The following MTMR2 variants were observed in gnomAD, a reference collection of about 807,000 sequenced individuals.
MTMR2 encodes myotubularin related protein 2, also known as phosphatidylinositol-3,5-bisphosphate 3-phosphatase MTMR2.
In MTMR2, 55 loss-of-function variants were observed where a neutral mutation model predicts 86.9. The observed-to-expected ratio is 0.63, with a 90% CI of 0.51 to 0.79. The LOEUF (loss-of-function observed/expected upper bound fraction) is 0.79, where lower values mean the gene tolerates loss of function less well. Ranked by LOEUF, MTMR2 falls within the 30% of genes least tolerant of loss-of-function variation. The pLI is 0.00. For missense variants in MTMR2, 659 were observed against 772.3 expected (o/e 0.85, Z 1.74); for synonymous variants, 241 against 266.8 (o/e 0.90, Z 0.94).
chr11:95,922,358 C>T (rs1349057485), intron 1 of MTMR2, among the ~76,000 whole-genome samples: 1 of 152,180 alleles, frequency 6.6e-6, no homozygotes, highest in Non-Finnish European at 1.5e-5. Flanking sequence ...GCATAGTTGT[C>T]ATTTGTAACT....
At chr11:95,920,214 A>G (rs1306814687) in intron 1 of MTMR2, among the ~76,000 whole-genome samples, 1 of 152,244 alleles carries the variant, frequency 6.6e-6, no homozygotes, top group Non-Finnish European at 1.5e-5. Flanking sequence ...ATAGATATAC[A>G]TGAAGAATGG....
intron 9 of MTMR2, among the ~76,000 whole-genome samples, chr11:95,848,870 G>A (rs1335273899): frequency 3.3e-5 from 5 of 152,252 alleles, no homozygotes; most frequent in Non-Finnish European, 7.4e-5. Context: ...GATTACTTCT[G>A]AAGAGTGGGA....
Position 95,849,846 on chromosome 11 carries a change from T to C in MTMR2, c.821A>G (p.His274Arg). 1 of 1,614,090 alleles carries C rather than the reference T, an allele frequency of 6.2e-7. No individual in the cohort carries two copies. Among genetic ancestry groups the C allele is most frequent in the African/African-American group, 1.3e-5 (1 of 75,052 alleles). The change falls in exon 9 of 15, where the codon CAT (histidine) becomes CGT (arginine). Residue 274 changes from histidine (H) to arginine (R), a missense_variant. Around this residue, in one of 3 missense-constraint regions of MTMR2, gnomAD observed 387 missense variants for 526.3 expected, o/e 0.74. Coordinates refer to ENST00000346299, the MANE Select transcript of MTMR2 (RefSeq NM_016156.6). ...RGRIPVLSWI[H>R]PESQATITRC... Reference sequence around the variant, plus strand: ...AGTGATTGTGGCTTGACTTTCAGGATGAATCCATGATAAAACCTTAATGAG... The same window carrying C: ...AGTGATTGTGGCTTGACTTTCAGGACGAATCCATGATAAAACCTTAATGAG...
intron 2 of MTMR2, among the ~76,000 whole-genome samples, chr11:95,882,660 T>A (rs1332980654): frequency 1.3e-5 from 2 of 151,878 alleles, no homozygotes; most frequent in Non-Finnish European, 2.9e-5. Flanking sequence ...AAACATATCC[T>A]TTATCATATA....
chr11:95,900,333 C>A (rs1866025054), intron 1 of MTMR2, among the ~76,000 whole-genome samples: 1 of 151,998 alleles, frequency 6.6e-6, no homozygotes, highest in Non-Finnish European at 1.5e-5. Flanking sequence ...AGCCCAGGGA[C>A]AAGATATAAA....
intron 1 of MTMR2, among the ~76,000 whole-genome samples, chr11:95,918,943 T>C (rs1382974929): frequency 6.6e-6 from 1 of 152,204 alleles, no homozygotes; most frequent in Non-Finnish European, 1.5e-5. Flanking sequence ...GCTCAGGTGA[T>C]CCTCTCACAC....
chr11:95,836,465 TA>T, intron 13 of MTMR2, 141 bp from the exon 14 acceptor site: 1 of 754,388 alleles, frequency 1.3e-6, no homozygotes. Flanking sequence ...TAAACCAACT[TA>T]TATTAAGATC....
intron 1 of MTMR2, among the ~76,000 whole-genome samples, chr11:95,921,340 CAGAA>C (rs1377928117): frequency 6.6e-6 from 1 of 152,060 alleles, no homozygotes; most frequent in Non-Finnish European, 1.5e-5. Flanking sequence ...TGTATAAAAA[CAGAA>C]AGCATAAAAA....
intron 9 of MTMR2, 31 bp from the exon 10 acceptor site, chr11:95,847,930 T>C (rs753473307): frequency 5.1e-6 from 8 of 1,560,994 alleles, no homozygotes; most frequent in Middle Eastern, 1.7e-4. Context: ...TGGAAAATCA[T>C]AAATGAATGC....
intron 12 of MTMR2, among the ~76,000 whole-genome samples, chr11:95,838,828 G>T (rs890006715): frequency 1.3e-5 from 2 of 151,902 alleles, no homozygotes; most frequent in African/African-American, 4.8e-5. Context: ...CCAAGCCAGG[G>T]GCTTGACTGG....
At chr11:95,885,459 G>A (rs1865482884) in intron 2 of MTMR2, among the ~76,000 whole-genome samples, 1 of 152,084 alleles carries the variant, frequency 6.6e-6, no homozygotes. Context: ...TGTCGTGCCA[G>A]AAAGTAAGCA....
chr11:95,888,500 A>G (rs1204930812), intron 1 of MTMR2, among the ~76,000 whole-genome samples: 1 of 152,196 alleles, frequency 6.6e-6, no homozygotes, highest in Non-Finnish European at 1.5e-5. Context: ...AAGACACTCC[A>G]GGCTAATTCC....
At chr11:95,874,848 C>G (rs1168697506) in intron 2 of MTMR2, among the ~76,000 whole-genome samples, 1 of 152,100 alleles carries the variant, frequency 6.6e-6, no homozygotes, top group Non-Finnish European at 1.5e-5. Flanking sequence ...TTCTCCTTCA[C>G]TTATGGAGCT....
At chr11:95,914,037 G>C (rs1272448516) in intron 1 of MTMR2, among the ~76,000 whole-genome samples, 1 of 152,068 alleles carries the variant, frequency 6.6e-6, no homozygotes, top group East Asian at 1.9e-4. Flanking sequence ...GAAAATAACT[G>C]GATGACTAAA....
intron 5 of MTMR2, among the ~76,000 whole-genome samples, chr11:95,859,650 C>T (rs761267358): frequency 6.6e-6 from 1 of 152,090 alleles, no homozygotes; most frequent in Non-Finnish European, 1.5e-5. Flanking sequence ...CATAGTGAGA[C>T]CTTGTCTCTA....
chr11:95,890,831 G>A (rs781002251), intron 1 of MTMR2, among the ~76,000 whole-genome samples: 15 of 152,152 alleles, frequency 9.9e-5, no homozygotes, highest in Non-Finnish European at 2.1e-4. Flanking sequence ...TTGAGCCCAG[G>A]AGTTTGAGAC....
At chr11:95,849,400 G>A (rs1441872432) in intron 9 of MTMR2, among the ~76,000 whole-genome samples, 2 of 152,142 alleles carry the variant, frequency 1.3e-5, no homozygotes, top group Non-Finnish European at 2.9e-5. Flanking sequence ...TATTATGTAA[G>A]TAAGCAAAAG....
chr11:95,847,644 T>C (rs1319831065), intron 10 of MTMR2, 70 bp downstream of exon 10: 4 of 1,372,646 alleles, frequency 2.9e-6, no homozygotes, highest in Non-Finnish European at 3.1e-6. Flanking sequence ...ATTGCAATTA[T>C]AAGTAAAAAG....
In MTMR2 at chr11:95,924,096, C is replaced by T. The variant is rs1031254206; in HGVS notation, c.-142G>A. 10 of 1,066,748 alleles carry T rather than the reference C, an allele frequency of 9.4e-6. No individual in the cohort carries two copies. The highest frequency in any genetic ancestry group is 2.1e-5 in the Admixed American group (1 of 48,018). The allele number at this position is 1,066,748 out of a possible 1,614,324, so 66.1% of individuals were successfully genotyped here. A position where few individuals can be genotyped will look rare whatever the true frequency, so the allele number is the denominator to read the frequency against. On this transcript the variant is annotated 5_prime_UTR_variant, in exon 1 of 15. Transcript: ENST00000346299. ...GAGGGAGACCGGAAGCGGCCATGTT[C>T]CCCCAGAGTGCACCGCGCCTGTAGG...
Sources: gnomAD v4.1 joint callset for allele counts (sites outside exome capture counted in the v4.1 genomes callset) on GRCh38, gnomAD v4.1.1 for gene constraint, gnomAD v4.1.1 regional missense constraint, MANE v1.5 for transcripts, NCBI Gene and HGNC (gene_info 2026-07-23, HGNC 2026-07-21) for gene names.